Variants in LBP observed in about 807,000 individuals in gnomAD.
LBP encodes the protein lipopolysaccharide binding protein, also known as lipopolysaccharide-binding protein.
A neutral mutation model predicts 56.6 loss-of-function variants in LBP; 53 were observed. The observed-to-expected ratio is 0.94, with a 90% confidence interval of 0.75 to 1.18. The LOEUF (loss-of-function observed/expected upper bound fraction) is 1.18. LBP is among the 50% of genes most tolerant of loss of function. The pLI, the probability that LBP is intolerant of heterozygous loss-of-function variation, is 0.00. For missense variants in LBP, 601 were observed against 598.3 expected (o/e 1.00, Z -0.05); for synonymous variants, 227 against 247.5 (o/e 0.92, Z 0.78).
chr20:38,352,038 TAAAAAAA>T (rs1326621621), intron 3 of LBP, among the ~76,000 whole-genome samples: 1 of 120,130 alleles, frequency 8.3e-6, no homozygotes, highest in African/African-American at 3.1e-5. Flanking sequence ...ACTCCATCTC[TAAAAAAA>T]AAAAAAAAGA....
At chr20:38,373,278 GT>G in intron 13 of LBP, 143 bp downstream of exon 13, 1 of 693,840 alleles carries the variant, frequency 1.4e-6, no homozygotes, top group Non-Finnish European at 2.5e-6. Flanking sequence ...TGACCTGCCT[GT>G]GACATGGGAT....
intron 7 of LBP, among the ~76,000 whole-genome samples, chr20:38,364,370 A>G (rs778963523): frequency 7.9e-5 from 12 of 152,160 alleles, no homozygotes; most frequent in Non-Finnish European, 1.5e-4. Context: ...TAGGGCATAT[A>G]GAGGGGCTGG....
At chr20:38,355,978 G>A (rs1472372497) in intron 5 of LBP, among the ~76,000 whole-genome samples, 6 of 151,172 alleles carry the variant, frequency 4.0e-5, no homozygotes, top group Non-Finnish European at 8.8e-5. Context: ...CCAAAATCCC[G>A]TTTCTGAGAT....
chr20:38,356,420 G>GCACACA (rs34125610), intron 5 of LBP, among the ~76,000 whole-genome samples: 4 of 124,822 alleles, frequency 3.2e-5, no homozygotes, highest in Admixed American at 7.7e-5. Context: ...ACACACACGC[G>GCACACA]CACACACACA....
intron 8 of LBP, among the ~76,000 whole-genome samples, chr20:38,365,927 T>A (rs751988849): frequency 1.3e-5 from 2 of 151,998 alleles, no homozygotes; most frequent in African/African-American, 4.8e-5. Context: ...AAAAGATACA[T>A]GATTTCATGA....
intron 8 of LBP, 72 bp from the exon 9 acceptor site, chr20:38,366,697 C>T: frequency 7.1e-7 from 1 of 1,405,802 alleles, no homozygotes; most frequent in Non-Finnish European, 1.0e-6. Flanking sequence ...ATCCCCCTGT[C>T]TCCCCAATCT....
At chr20:38,356,070 AAC>A (rs928817839) in intron 5 of LBP, among the ~76,000 whole-genome samples, 6 of 141,176 alleles carry the variant, frequency 4.3e-5, no homozygotes, top group African/African-American at 1.6e-4. Context: ...CACACACACA[AAC>A]ACACACACAC....
chr20:38,356,418 GCGCACACACACACA>G (rs1287746532), intron 5 of LBP, among the ~76,000 whole-genome samples: 24 of 48,982 alleles, frequency 4.9e-4, no homozygotes, highest in South Asian at 3.4e-3. Context: ...CCACACACAC[GCGCACACACACACA>G]CACACACACA....
rs1275604933 is a variant in LBP at position 38,349,593 on chromosome 20, T to C, written c.170T>C (p.Ile57Thr). The change falls in exon 2 of 15, where the codon ATC becomes ACC. Residue 57 changes from isoleucine to threonine, a missense_variant. Physicochemically the swap from Ile to Thr is moderately conservative, Grantham distance 89 (BLOSUM62 -1). Transcript: ENST00000217407. ...GCTCTGCAGAGTGAGCTGCTCAGGA[T>C]CACGCTGCCTGACTTCACCGGGGAC... is the stretch of plus-strand genomic sequence containing the variant. Reference protein sequence around the residue: ...LLALQSELLRITLPDFTGDLR... With the variant: ...LLALQSELLRTTLPDFTGDLR... The C allele has an allele frequency of 1.9e-6, 3 of 1,611,906 alleles. No homozygotes were observed. Among genetic ancestry groups the C allele is most frequent in the Non-Finnish European group, 2.5e-6 (3 of 1,179,316 alleles).
chr20:38,370,999 A>T (rs141073050), intron 11 of LBP, among the ~76,000 whole-genome samples, 194 bp downstream of exon 11: 1 of 152,258 alleles, frequency 6.6e-6, no homozygotes, highest in Non-Finnish European at 1.5e-5. Context: ...ATTCACTAAG[A>T]CTGTTACTTC....
intron 8 of LBP, among the ~76,000 whole-genome samples, chr20:38,365,908 C>T (rs2076880307): frequency 6.6e-6 from 1 of 151,742 alleles, no homozygotes; most frequent in African/African-American, 2.4e-5. Flanking sequence ...TTCCTTGTAG[C>T]TAAAGTGAAA....
chr20:38,356,499 C>T (rs1019537570), intron 5 of LBP, among the ~76,000 whole-genome samples: 3 of 151,380 alleles, frequency 2.0e-5, no homozygotes, highest in Non-Finnish European at 4.4e-5. Context: ...TGAGTGCCCC[C>T]TCGTGGTTGA....
In LBP at chr20:38,360,259, CAA is replaced by C. The variant is rs11478545; in HGVS notation, c.589-431_589-430del. Among the ~76,000 whole-genome samples the C allele has an allele frequency of 6.1e-4, 72 of 118,420 alleles. 2 individuals carry two copies. Among genetic ancestry groups the C allele is most frequent in the South Asian group, 2.3e-3 (9 of 3,972 alleles). The allele number at this position is 118,420 out of a possible 152,430, so 77.7% of individuals were successfully genotyped here. A position where few individuals can be genotyped will look rare whatever the true frequency, so the allele number is the denominator to read the frequency against. On this transcript the variant is annotated intron_variant, in intron 5 of 14. Transcript: ENST00000217407. ...TGGCCAACAGGGCGAGACTCCATCT[CAA>C]AAAAAAAAAAAAACAAAAAAACTAT... is the stretch of plus-strand genomic sequence containing the variant.
Position 38,364,503 on chromosome 20 carries a change from T to C in LBP, c.745-73T>C, listed in dbSNP as rs2232603. ...CAGCCAGCGTCCCTTCATCGGACTG[T>C]GTAGGGGAATACCTAGCCCCTGCCC... is the stretch of plus-strand genomic sequence containing the variant. On this transcript the variant is annotated intron_variant, in intron 7 of 14. Coordinates refer to ENST00000217407, the MANE Select transcript of LBP (RefSeq NM_004139.5). The C allele has an allele frequency of 4.0e-3, 5,677 of 1,402,314 alleles. 319 individuals are homozygous for C. The Admixed American group carries it at 0.089, about 22-fold the overall frequency. The allele number at this position is 1,402,314 out of a possible 1,614,324, so 86.9% of individuals were successfully genotyped here. A position where few individuals can be genotyped will look rare whatever the true frequency, so the allele number is the denominator to read the frequency against.
In LBP at chr20:38,374,124, A is replaced by G. The variant is rs1479748895; in HGVS notation, c.1401+111A>G. 1.4e-5 allele frequency: 16 copies of G among 1,133,480 alleles called. No homozygotes were observed. The Admixed American group carries it at 3.0e-4, about 21-fold the overall frequency. 70.2% of individuals were successfully genotyped at this position (1,133,480 alleles called of 1,614,324 possible). On this transcript the variant is annotated intron_variant, in intron 14 of 14. Coordinates refer to ENST00000217407, the MANE Select transcript of LBP (RefSeq NM_004139.5). ...ACCCAGCCCAGCCCTGCAGCTGGGA[A>G]AGTCTGGCCAGGGGCAGGACGGGTG...
chr20:38,366,827 G>A lies in LBP; in HGVS notation c.980G>A (p.Arg327Gln), dbSNP rs2232610. The change falls in exon 9 of 15, where the codon CGG becomes CAG. Residue 327 changes from arginine to glutamine, a missense_variant and splice_region_variant. Physicochemically the swap from Arg to Gln is conservative, Grantham distance 43 (BLOSUM62 1). Transcript: ENST00000217407. ...AAGTCCTTCCGACCCTTCGTCCCAC[G>A]GGTAAGGAGTCCCTTAGTTCCCCAT... is the stretch of plus-strand genomic sequence containing the variant. The part of the protein sequence containing the change: ...TTKSFRPFVP[R>Q]LARLYPNMNL... 2.0e-4 allele frequency: 315 copies of A among 1,613,820 alleles called. 1 individual carries two copies. The African/African-American group carries it at 3.0e-3, about 15-fold the overall frequency.
intron 9 of LBP, among the ~76,000 whole-genome samples, chr20:38,368,294 G>A (rs1600729492): frequency 2.6e-5 from 4 of 152,106 alleles, no homozygotes; most frequent in Admixed American, 2.6e-4. Context: ...GGCAATACCT[G>A]CCGAAAGTTT....
At position 38,349,671 on chromosome 20, in the gene LBP, C is replaced by G. The variant is rs1252591192; in HGVS notation, c.239+9C>G. 5 of 1,566,214 alleles carry G rather than the reference C, an allele frequency of 3.2e-6. No individual in the cohort carries two copies. The highest frequency in any genetic ancestry group is 4.4e-6 in the Non-Finnish European group (5 of 1,147,448). Reference sequence around the variant, plus strand: ...CGCTATGAGTTCCACAGGTGGGGCTCTCCCTTCTGCTGCGGCTCTGAAGTG... The same window carrying G: ...CGCTATGAGTTCCACAGGTGGGGCTGTCCCTTCTGCTGCGGCTCTGAAGTG... On this transcript the variant is annotated intron_variant, in intron 2 of 14. Transcript: ENST00000217407.
At position 38,369,067 on chromosome 20, in the gene LBP, A is replaced by C. The variant is rs2076892324; in HGVS notation, c.1054A>C (p.Ser352Arg). Residue 352 changes from serine to arginine, a missense_variant, in exon 10 of 15, where the codon AGC becomes CGC. By Grantham distance (110) the Ser-to-Arg change is moderately radical (BLOSUM62 -1). Transcript: ENST00000217407. ...SVPSAPLLNF[S>R]PGNLSVDPYM... is the part of the protein sequence containing the mutation. ...GCCCTCTGCTCCGCTCCTGAACTTC[A>C]GCCCTGGGAATCTGTCTGTGGACCC... is the stretch of plus-strand genomic sequence containing the variant. 1 of 1,614,150 alleles carries C rather than the reference A, an allele frequency of 6.2e-7. No individual in the cohort carries two copies. Among genetic ancestry groups the C allele is most frequent in the Non-Finnish European group, 8.5e-7 (1 of 1,180,018 alleles).
Sources: gnomAD v4.1 joint callset for allele counts (sites outside exome capture counted in the v4.1 genomes callset) on GRCh38, gnomAD v4.1.1 for gene constraint, MANE v1.5 for transcripts, NCBI Gene and HGNC (gene_info 2026-07-23, HGNC 2026-07-21) for gene names.